The following PHLPP1 variants were observed in gnomAD, a reference collection of about 807,000 sequenced individuals.
PHLPP1 encodes PH domain leucine-rich repeat-containing protein phosphatase 1.
PHLPP1 carries 42 observed loss-of-function variants against 117.2 expected under a neutral mutation model. The observed-to-expected ratio is 0.36, with a 90% CI of 0.28 to 0.46. PHLPP1 has a LOEUF of 0.46. Ranked by LOEUF, PHLPP1 falls within the 20% of genes least tolerant of loss-of-function variation. PHLPP1 has a pLI of 1.00. For synonymous variants in PHLPP1, 1,042 were observed against 970.7 expected (o/e 1.07, Z -1.37); for missense variants, 2,084 against 2,241.9 (o/e 0.93, Z 1.42).
chr18:62,763,192 AGC>A (rs1384108374), intron 1 of PHLPP1, among the ~76,000 whole-genome samples: 2 of 152,228 alleles, frequency 1.3e-5, no homozygotes, highest in African/African-American at 4.8e-5. Flanking sequence ...GTAGAGAAGT[AGC>A]CAACCTGTGC....
intron 3 of PHLPP1, among the ~76,000 whole-genome samples, chr18:62,859,926 A>G (rs1915591148): frequency 6.6e-6 from 1 of 152,234 alleles, no homozygotes; most frequent in African/African-American, 2.4e-5. Flanking sequence ...AATACTAAGT[A>G]CAGACATGCA....
chr18:62,918,185 G>C (rs59969757), intron 9 of PHLPP1, among the ~76,000 whole-genome samples: 6,842 of 133,366 alleles, frequency 0.051, 562 homozygotes, highest in African/African-American at 0.18. Context: ...CAGCCTGGGC[G>C]ACAGAGTGAG....
At chr18:62,858,319 A>G (rs1307046370) in intron 3 of PHLPP1, among the ~76,000 whole-genome samples, 3 of 149,886 alleles carry the variant, frequency 2.0e-5, no homozygotes, top group Admixed American at 1.3e-4. Context: ...CTGGACTGCA[A>G]TGGCACGATC....
intron 4 of PHLPP1, chr18:62,889,527 A>G (rs1429245947): frequency 6.6e-6 from 1 of 152,308 alleles, no homozygotes; most frequent in Non-Finnish European, 1.5e-5. Context: ...ACATGGGCAG[A>G]GCTGGGCCAG....
chr18:62,861,567 G>A (rs150006768), intron 4 of PHLPP1, among the ~76,000 whole-genome samples: 14 of 152,316 alleles, frequency 9.2e-5, no homozygotes, highest in African/African-American at 3.1e-4. Flanking sequence ...TTGCAAATAT[G>A]TAAGACTATG....
chr18:62,877,936 G>A (rs674008), intron 4 of PHLPP1, among the ~76,000 whole-genome samples: 149,724 of 152,354 alleles, frequency 0.98, 73,615 homozygotes, highest in Middle Eastern at 1. Flanking sequence ...AGTTTGCCCT[G>A]TTGACTTTTT....
chr18:62,933,304 C>G (rs749292379), intron 10 of PHLPP1, among the ~76,000 whole-genome samples: 5 of 152,070 alleles, frequency 3.3e-5, no homozygotes, highest in African/African-American at 1.2e-4. Flanking sequence ...ATAGCCAAAA[C>G]AATCCTAAGC....
chr18:62,801,364 C>A (rs1034906445), intron 1 of PHLPP1, among the ~76,000 whole-genome samples: 1 of 150,808 alleles, frequency 6.6e-6, no homozygotes, highest in Non-Finnish European at 1.5e-5. Context: ...ATTAATTGTT[C>A]TGAGTAATTA....
intron 12 of PHLPP1, among the ~76,000 whole-genome samples, chr18:62,951,283 C>G (rs969199162): frequency 6.7e-6 from 1 of 148,680 alleles, no homozygotes; most frequent in African/African-American, 2.4e-5. Context: ...GCCTGGCCAA[C>G]CCAGACTAGT....
At chr18:62,958,888 A>T (rs903379787) in intron 13 of PHLPP1, 129 bp downstream of exon 13, 2 of 994,228 alleles carry the variant, frequency 2.0e-6, no homozygotes, top group South Asian at 3.4e-5. Context: ...ACACAACAGG[A>T]TATACAAGAT....
At chr18:62,826,144 ATATT>A (rs1381389331) in intron 1 of PHLPP1, 5 of 303,614 alleles carry the variant, frequency 1.6e-5, no homozygotes, top group East Asian at 8.2e-5. Flanking sequence ...ATGTCTGTGC[ATATT>A]TATTTATTTG....
chr18:62,964,869 C>T (rs1325538652), intron 14 of PHLPP1, among the ~76,000 whole-genome samples: 1 of 152,118 alleles, frequency 6.6e-6, no homozygotes, highest in African/African-American at 2.4e-5. Flanking sequence ...AATATCTACT[C>T]GTGTCTTAAT....
chr18:62,972,388 C>T, intron 14 of PHLPP1, 126 bp from the exon 15 acceptor site: 1 of 787,328 alleles, frequency 1.3e-6, no homozygotes, highest in Non-Finnish European at 2.0e-6. Context: ...TTTACCTGCC[C>T]TTAATCTGTC....
intron 3 of PHLPP1, among the ~76,000 whole-genome samples, chr18:62,848,592 T>C (rs1319563776): frequency 1.3e-5 from 2 of 150,976 alleles, no homozygotes; most frequent in African/African-American, 4.9e-5. Context: ...GCCTCCCGAG[T>C]AACTGGGACC....
intron 1 of PHLPP1, among the ~76,000 whole-genome samples, chr18:62,736,537 G>A (rs185347150): frequency 6.6e-6 from 1 of 152,310 alleles, no homozygotes; most frequent in Admixed American, 6.5e-5. Context: ...GTTCATAAAA[G>A]TAGGAAGCAA....
intron 3 of PHLPP1, among the ~76,000 whole-genome samples, chr18:62,846,072 G>C (rs1051651583): frequency 6.6e-6 from 1 of 152,044 alleles, no homozygotes; most frequent in African/African-American, 2.4e-5. Flanking sequence ...AGCCAGGCAT[G>C]GTGGCAGGTG....
intron 1 of PHLPP1, among the ~76,000 whole-genome samples, chr18:62,773,567 T>A (rs9958800): frequency 0.24 from 35,958 of 152,120 alleles, 6,832 homozygotes; most frequent in African/African-American, 0.53. Context: ...TTTAGGGAGG[T>A]TAATTTCCTA....
At chr18:62,936,500 A>T (rs1375290206) in intron 10 of PHLPP1, among the ~76,000 whole-genome samples, 1 of 152,228 alleles carries the variant, frequency 6.6e-6, no homozygotes, top group Non-Finnish European at 1.5e-5. Context: ...TGATCTCTCC[A>T]CACGTTATTT....
intron 1 of PHLPP1, among the ~76,000 whole-genome samples, chr18:62,762,454 C>A (rs1912280326): frequency 6.9e-6 from 1 of 145,186 alleles, no homozygotes; most frequent in Non-Finnish European, 1.5e-5. Context: ...CACAGTTTCA[C>A]CCAGGCTGGA....
Sources: gnomAD v4.1 joint callset for allele counts (sites outside exome capture counted in the v4.1 genomes callset) on GRCh38, gnomAD v4.1.1 for gene constraint, MANE v1.5 for transcripts, NCBI Gene and HGNC (gene_info 2026-07-23, HGNC 2026-07-21) for gene names.